The following PUS7L variants were observed in gnomAD, a reference collection of about 807,000 sequenced individuals.
PUS7L encodes the protein pseudouridylate synthase PUS7L.
In PUS7L, 49 loss-of-function variants were observed where a neutral mutation model predicts 51.1. That is an observed-to-expected ratio of 0.96 (90% CI 0.76 to 1.22). PUS7L has a LOEUF of 1.22. Ranked by LOEUF, PUS7L falls within the 50% of genes most tolerant of loss-of-function variation. The probability of loss-of-function intolerance (pLI) is 0.00; values close to 1 mark genes in which losing one functional copy is unlikely to be tolerated. For missense variants in PUS7L, 828 were observed against 820.6 expected (o/e 1.01, Z -0.11); for synonymous variants, 277 against 276.2 (o/e 1.00, Z -0.03).
At chr12:43,737,826 C>G (rs1183600229) in intron 6 of PUS7L, among the ~76,000 whole-genome samples, 1 of 152,128 alleles carries the variant, frequency 6.6e-6, no homozygotes, top group African/African-American at 2.4e-5. Context: ...CTCATAACCA[C>G]TTTTCCTTAG....
chr12:43,754,720 G>A lies in PUS7L; in HGVS notation c.526C>T (p.His176Tyr), dbSNP rs139854306. ...ILDKNQRASLHSAIRQKFPFL... is the reference protein window; with the variant it reads ...ILDKNQRASLYSAIRQKFPFL... ...GGAAATTTCTGCCTAATGGCACTGT[G>A]TAAACTAGCCCTCTGGTTTTTGTCA... Residue 176 changes from histidine (H) to tyrosine (Y), a missense_variant, in exon 2 of 9, where the codon CAC becomes TAC. His to Tyr is a moderately conservative substitution (Grantham distance 83). Transcript: ENST00000344862. 4.2e-4 allele frequency: 670 copies of A among 1,613,822 alleles called. 5 individuals carry two copies. Among genetic ancestry groups the A allele is most frequent in the South Asian group, 3.0e-4 (27 of 91,084 alleles).
At chr12:43,735,692 A>C (rs1181632806) in intron 7 of PUS7L, among the ~76,000 whole-genome samples, 1 of 152,216 alleles carries the variant, frequency 6.6e-6, no homozygotes, top group Non-Finnish European at 1.5e-5. Context: ...AGAAAGACAC[A>C]TAACAAACAA....
rs774656653 is a variant in PUS7L, at chr12:43,723,488, T to C, written c.*6888A>G. ...AGGTCAAGTAACATATTATTGGTCA[T>C]ACAGTGAGCTGTAAGTGAAATGAAA... is the stretch of plus-strand genomic sequence containing the variant. On this transcript the variant is annotated 3_prime_UTR_variant, in exon 9 of 9. Transcript: ENST00000344862. 2.6e-5 allele frequency: 4 copies of C among 152,256 alleles called. No homozygotes were observed. The highest frequency in any genetic ancestry group is 6.5e-5 in the Admixed American group (1 of 15,300). 9.4% of individuals were successfully genotyped at this position (152,256 alleles called of 1,614,324 possible).
intron 5 of PUS7L, among the ~76,000 whole-genome samples, chr12:43,740,526 G>A (rs1937848500): frequency 6.6e-6 from 1 of 152,132 alleles, no homozygotes. Flanking sequence ...ACTTTTTCTT[G>A]GGGAGTAGAA....
Position 43,722,729 on chromosome 12 carries a change from T to C in PUS7L, c.*7647A>G, listed in dbSNP as rs2137641444. The C allele has an allele frequency of 6.6e-6, 1 of 152,254 alleles. No homozygotes were observed. The highest frequency in any genetic ancestry group is 1.9e-4 in the East Asian group (1 of 5,186). 9.4% of individuals were successfully genotyped at this position (152,254 alleles called of 1,614,324 possible). ...AGAACACTAGTCCTTTATGTTCCCC[T>C]GCCACAGGGGAGGCATTGGAAACAA... On this transcript the variant is annotated 3_prime_UTR_variant, in exon 9 of 9. Coordinates refer to ENST00000344862, the MANE Select transcript of PUS7L (RefSeq NM_031292.5).
chr12:43,748,558 A>C lies in PUS7L; in HGVS notation c.962T>G (p.Leu321Ter), dbSNP rs1364413438. Residue 321 changes from leucine to a stop codon, truncating the protein, a stop_gained, in exon 3 of 9, where the codon TTA becomes TGA. Coordinates refer to ENST00000344862, the MANE Select transcript of PUS7L (RefSeq NM_031292.5). LOFTEE classifies it high-confidence loss of function. ...NLEMFEAIGF[L>*]AIKLGVIPSD... ...AGGAATAACACCAAGTTTGATAGCT[A>C]AAAAACCAATCGCTTCAAACATTTC... 1.9e-6 allele frequency: 3 copies of C among 1,608,758 alleles called. No homozygotes were observed. The highest frequency in any genetic ancestry group is 2.5e-6 in the Non-Finnish European group (3 of 1,178,632).
chr12:43,741,420 G>C (rs1395186892), intron 5 of PUS7L, among the ~76,000 whole-genome samples: 1 of 152,176 alleles, frequency 6.6e-6, no homozygotes, highest in Non-Finnish European at 1.5e-5. Context: ...GGAAACTGAG[G>C]CTTGGAAAAG....
At position 43,746,089 on chromosome 12, in the gene PUS7L, G is replaced by A. The variant is rs1285591559; in HGVS notation, c.1220C>T (p.Ala407Val). 6.5e-7 allele frequency: 1 copy of A among 1,532,208 alleles called. No individual in the cohort carries two copies. Among genetic ancestry groups the A allele is most frequent in the Non-Finnish European group, 9.0e-7 (1 of 1,114,818 alleles). The allele number at this position is 1,532,208 out of a possible 1,614,324, so 94.9% of individuals were successfully genotyped here. ...RNLKKQINDS[A>V]NLRERIMEAI... ...TTCCATAATTCTCTCCCTCAGGTTT[G>A]CAGAATCATTTATTTGTTTTTTTAA... Residue 407 changes from alanine (A) to valine (V), a missense_variant, in exon 4 of 9, where the codon GCA (alanine) becomes GTA (valine). Transcript: ENST00000344862.
Position 43,730,440 on chromosome 12 carries a change from A to G in PUS7L, c.2042T>C (p.Phe681Ser). 1 of 1,613,818 alleles carries G rather than the reference A, an allele frequency of 6.2e-7. No homozygotes were observed. Among genetic ancestry groups the G allele is most frequent in the Non-Finnish European group, 8.5e-7 (1 of 1,179,840 alleles). The change falls in exon 9 of 9, where the codon TTT becomes TCT. Residue 681 changes from phenylalanine (F) to serine (S), a missense_variant. By Grantham distance (155) the Phe-to-Ser change is radical. Transcript: ENST00000344862. ...DETALSLLISFDLDASCYATV... is the reference protein window; with the variant it reads ...DETALSLLISSDLDASCYATV... ...AGCATAGCATGAAGCATCAAGATCAAAAGAGATCAAAAGAGACAAAGCTGT... is the reference window on the plus strand; with the variant it reads ...AGCATAGCATGAAGCATCAAGATCAGAAGAGATCAAAAGAGACAAAGCTGT...
chr12:43,731,681 A>G lies in PUS7L; in HGVS notation c.1779+24T>C, dbSNP rs566362401. 8 of 1,392,656 alleles carry G rather than the reference A, an allele frequency of 5.7e-6. No homozygotes were observed. In the Admixed American group the frequency reaches 1.1e-4, roughly 20 times the overall value. The allele number at this position is 1,392,656 out of a possible 1,614,324, so 86.3% of individuals were successfully genotyped here. A position where few individuals can be genotyped will look rare whatever the true frequency, so the allele number is the denominator to read the frequency against. On this transcript the variant is annotated intron_variant, in intron 8 of 8. Transcript: ENST00000344862. The stretch of plus-strand genomic sequence containing the variant: ...CAATGTCTACACTTAGATCTAAGTG[A>G]TAGTAATTTTTAAGCAAATTTACCT...
Position 43,736,426 on chromosome 12 carries a change from GA to G in PUS7L, c.1679del (p.Val560AlafsTer20). On this transcript the variant is annotated frameshift_variant, in exon 7 of 9. Coordinates refer to ENST00000344862, the MANE Select transcript of PUS7L (RefSeq NM_031292.5). LOFTEE classifies it high-confidence loss of function. ...YGARVVQGDL[V>X]CLDEDIDDEN... is the part of the protein sequence containing the mutation. ...CGTCATCAATGTCTTCATCCAAACA[GA>G]CCAAATCACCCTGCACTACTCTTGC... 6.2e-7 allele frequency: 1 copy of G among 1,614,128 alleles called. No individual in the cohort carries two copies. The highest frequency in any genetic ancestry group is 8.5e-7 in the Non-Finnish European group (1 of 1,179,996).
intron 4 of PUS7L, among the ~76,000 whole-genome samples, chr12:43,744,853 T>A (rs538162598): frequency 3.2e-4 from 48 of 152,208 alleles, no homozygotes; most frequent in Non-Finnish European, 6.2e-4. Flanking sequence ...TAAGTACTAA[T>A]GCCTAACCTG....
At chr12:43,756,092 C>A (rs1427680313) in intron 1 of PUS7L, among the ~76,000 whole-genome samples, 1 of 152,164 alleles carries the variant, frequency 6.6e-6, no homozygotes, top group African/African-American at 2.4e-5. Flanking sequence ...ATCATCTGGA[C>A]CATCATCTCA....
chr12:43,738,515 A>AT (rs2137689176), intron 5 of PUS7L, 124 bp from the exon 6 acceptor site: 1 of 611,242 alleles, frequency 1.6e-6, no homozygotes, highest in South Asian at 2.0e-5. Context: ...TGATGCTGCA[A>AT]TTTTCTCTTT....
In PUS7L at chr12:43,722,348, G is replaced by T. The variant is rs1944406710; in HGVS notation, c.*8028C>A. On this transcript the variant is annotated 3_prime_UTR_variant, in exon 9 of 9. Transcript: ENST00000344862. ...GAACAATTGACATAGTAAACAAGATGGACTGACTAGAGTGAAAAACGAAGG... is the reference window on the plus strand; with the variant it reads ...GAACAATTGACATAGTAAACAAGATTGACTGACTAGAGTGAAAAACGAAGG... 6.6e-6 allele frequency: 1 copy of T among 151,988 alleles called. No homozygotes were observed. The highest frequency in any genetic ancestry group is 2.4e-5 in the African/African-American group (1 of 41,402). 9.4% of individuals were successfully genotyped at this position (151,988 alleles called of 1,614,324 possible).
rs776642843 is a variant in PUS7L, at chr12:43,736,503, T to C, written c.1603A>G (p.Thr535Ala). 6.2e-7 allele frequency: 1 copy of C among 1,614,210 alleles called. No homozygotes were observed. The highest frequency in any genetic ancestry group is 2.2e-5 in the East Asian group (1 of 44,886). Residue 535 changes from threonine to alanine, a missense_variant, in exon 7 of 9, where the codon ACC becomes GCC. Physicochemically the swap from Thr to Ala is moderately conservative, Grantham distance 58 (BLOSUM62 0). Coordinates refer to ENST00000344862, the MANE Select transcript of PUS7L (RefSeq NM_031292.5). The stretch of plus-strand genomic sequence containing the variant: ...ACTGCCTCATTCCAAATTTTGCTGG[T>C]ATATGCGTGAACATAGAATATGCGC... Reference protein sequence around the residue: ...SMRIFYVHAYTSKIWNEAVSY... With the variant: ...SMRIFYVHAYASKIWNEAVSY...
intron 2 of PUS7L, among the ~76,000 whole-genome samples, chr12:43,751,024 T>C (rs1938414933): frequency 6.6e-6 from 1 of 152,174 alleles, no homozygotes; most frequent in African/African-American, 2.4e-5. Context: ...TATTGTTGCG[T>C]AACAAGTCAC....
intron 7 of PUS7L, among the ~76,000 whole-genome samples, chr12:43,734,085 T>C (rs73280407): frequency 0.016 from 2,384 of 152,240 alleles, 72 homozygotes; most frequent in African/African-American, 0.053. Flanking sequence ...TGGATTAGGG[T>C]CCCAGGAAGG....
At chr12:43,732,520 G>A (rs1174577712) in intron 7 of PUS7L, among the ~76,000 whole-genome samples, 1 of 152,098 alleles carries the variant, frequency 6.6e-6, no homozygotes, top group Admixed American at 6.5e-5. Flanking sequence ...ATGGTAACAG[G>A]TGTCACATAC....
Sources: allele counts gnomAD v4.1 joint callset (sites outside exome capture counted in the v4.1 genomes callset), GRCh38; gene constraint gnomAD v4.1.1; transcripts MANE v1.5; gene names NCBI Gene and HGNC (gene_info 2026-07-23, HGNC 2026-07-21).